The following SLC38A3 variants were observed in gnomAD, a reference collection of about 807,000 sequenced individuals.
SLC38A3 encodes the protein solute carrier family 38 member 3, also known as sodium-coupled neutral amino acid transporter 3.
In SLC38A3, 17 loss-of-function variants were observed where a neutral mutation model predicts 59.5. That is an observed-to-expected ratio of 0.29 (90% CI 0.20 to 0.43). SLC38A3 has a LOEUF of 0.43. Ranked by LOEUF, SLC38A3 falls within the 20% of genes least tolerant of loss-of-function variation. SLC38A3 has a pLI of 1.00. For synonymous variants in SLC38A3, 238 were observed against 260.3 expected, an observed-to-expected ratio of 0.91 and a Z score of 0.82; for missense variants, 454 against 653.9, an observed-to-expected ratio of 0.69 and a Z score of 3.33.
At position 50,217,061 on chromosome 3, in the gene SLC38A3, C is replaced by T. The variant is rs927547081; in HGVS notation, c.549-177C>T. ...GTGCTGGGATTACAGGCGTGAACCA[C>T]CGCGCCCAGCTGGGCATGCCCATTT... On this transcript the variant is annotated intron_variant, in intron 7 of 15. Transcript: ENST00000614032. This position sits in a 1 kb window ranked among gnomAD's most constrained non-coding sequence, Gnocchi z 4.9. 5.9e-5 allele frequency among the ~76,000 whole-genome samples: 9 copies of T among 152,230 alleles called. No individual in the cohort carries two copies. Among genetic ancestry groups the T allele is most frequent in the Non-Finnish European group, 1.0e-4 (7 of 68,050 alleles).
In SLC38A3 at chr3:50,215,835, T is replaced by TGGGGA. The variant is rs750385616; in HGVS notation, c.548+29_548+33dup. ...GGAGAAAACCTCGTGAGCCCTGGCG[T>TGGGGA]GGGGAGGGGAGGGGAGGGGTGCGGT... On this transcript the variant is annotated intron_variant, in intron 7 of 15. Transcript: ENST00000614032. The surrounding 1 kb of genome is among the most constrained non-coding windows in gnomAD (Gnocchi z 7.1). 54 of 1,122,928 alleles carry TGGGGA rather than the reference T, an allele frequency of 4.8e-5. No homozygotes were observed. The highest frequency in any genetic ancestry group is 2.4e-4 in the Middle Eastern group (1 of 4,106). The allele number at this position is 1,122,928 out of a possible 1,614,324, so 69.6% of individuals were successfully genotyped here. A position where few individuals can be genotyped will look rare whatever the true frequency, so the allele number is the denominator to read the frequency against.
At position 50,217,484 on chromosome 3, in the gene SLC38A3, C is replaced by T. The variant is rs376350148; in HGVS notation, c.690+11C>T. 3.4e-5 allele frequency: 55 copies of T among 1,612,326 alleles called. No homozygotes were observed. In the African/African-American group the frequency reaches 6.3e-4, roughly 18 times the overall value. On this transcript the variant is annotated intron_variant, in intron 9 of 15. Coordinates refer to ENST00000614032, the MANE Select transcript of SLC38A3 (RefSeq NM_006841.6). This position sits in a 1 kb window ranked among gnomAD's most constrained non-coding sequence, Gnocchi z 4.9. Reference sequence around the variant, plus strand: ...TTCTTCCTAATTGCAGTGAGTCACCCTCCATGTTGGCTGAGAAAGCGGGCA... The same window carrying T: ...TTCTTCCTAATTGCAGTGAGTCACCTTCCATGTTGGCTGAGAAAGCGGGCA...
At chr3:50,216,140 G>A (rs1421532034) in intron 7 of SLC38A3, among the ~76,000 whole-genome samples, 4 of 152,196 alleles carry the variant, frequency 2.6e-5, no homozygotes, top group Admixed American at 2.0e-4. Context: ...AGCTCTAAGC[G>A]CCTGCTATTC....
chr3:50,217,449 C>T lies in SLC38A3; in HGVS notation c.666C>T (p.Ser222=), dbSNP rs756205501. The T allele has an allele frequency of 1.7e-5, 28 of 1,613,378 alleles. No individual in the cohort carries two copies. Among genetic ancestry groups the T allele is most frequent in the Non-Finnish European group, 2.3e-5 (27 of 1,179,692 alleles). The change falls in exon 9 of 16, where the codon AGC becomes AGT. Residue 222 remains serine (S), a synonymous_variant. Transcript: ENST00000614032. This position sits in a 1 kb window ranked among gnomAD's most constrained non-coding sequence, Gnocchi z 4.9. ...GCTACTCCAGCGGCTTCTCTCTTAG[C>T]TGCATGGTGTTCTTCCTAATTGCAG... ...YLGYSSGFSL[S]CMVFFLIAVI...
Position 50,218,750 on chromosome 3 carries a change from C to G in SLC38A3, c.1161+33C>G. The G allele has an allele frequency of 6.3e-7, 1 of 1,598,450 alleles. No homozygotes were observed. The highest frequency in any genetic ancestry group is 8.6e-7 in the Non-Finnish European group (1 of 1,167,298). On this transcript the variant is annotated intron_variant, in intron 13 of 15. Transcript: ENST00000614032. The surrounding 1 kb of genome is among the most constrained non-coding windows in gnomAD (Gnocchi z 5.8). ...GGTGGGCAGGTGGCTAGACTAGTGG[C>G]GGGAGGGGCTGATGGGGCCAACAGG... is the stretch of plus-strand genomic sequence containing the variant.
At chr3:50,212,347 C>A (rs996642237) in intron 1 of SLC38A3, among the ~76,000 whole-genome samples, 1 of 152,184 alleles carries the variant, frequency 6.6e-6, no homozygotes, top group Non-Finnish European at 1.5e-5. Flanking sequence ...GCAGGGGGGA[C>A]TCTGGAGTAG....
chr3:50,212,367 C>T (rs1409467362), intron 1 of SLC38A3, among the ~76,000 whole-genome samples: 1 of 152,176 alleles, frequency 6.6e-6, no homozygotes, highest in East Asian at 1.9e-4. Flanking sequence ...GCTCTGGACG[C>T]CAGCACTGGC....
chr3:50,208,245 T>C (rs1699671523), intron 1 of SLC38A3, among the ~76,000 whole-genome samples: 1 of 151,316 alleles, frequency 6.6e-6, no homozygotes, highest in South Asian at 2.1e-4. Flanking sequence ...GGCTCTCTTT[T>C]TCTTCAGCTT....
intron 1 of SLC38A3, among the ~76,000 whole-genome samples, chr3:50,211,534 C>T (rs377215626): frequency 6.8e-6 from 1 of 146,222 alleles, no homozygotes; most frequent in Non-Finnish European, 1.5e-5. Context: ...TGGCTTCGCA[C>T]CTCCTCCAGG....
rs1478919801 is a variant in SLC38A3 at position 50,218,107 on chromosome 3, C to G, written c.935+111C>G. 4.3e-6 allele frequency: 5 copies of G among 1,167,346 alleles called. No homozygotes were observed. In the East Asian group the frequency reaches 9.9e-5, roughly 23 times the overall value. The allele number at this position is 1,167,346 out of a possible 1,614,324, so 72.3% of individuals were successfully genotyped here. A position where few individuals can be genotyped will look rare whatever the true frequency, so the allele number is the denominator to read the frequency against. On this transcript the variant is annotated intron_variant, in intron 11 of 15. Transcript: ENST00000614032. The surrounding 1 kb of genome is among the most constrained non-coding windows in gnomAD (Gnocchi z 5.8). Reference sequence around the variant, plus strand: ...AGTGACAGGAGCCAAGTCACTTTATCTGAGATGTCCTTGGCAGCCATGAGA... The same window carrying G: ...AGTGACAGGAGCCAAGTCACTTTATGTGAGATGTCCTTGGCAGCCATGAGA...
At position 50,215,741 on chromosome 3, in the gene SLC38A3, C is replaced by A; in HGVS notation, c.468C>A (p.Ala156=). ...GCCTGCCCGCCCCTCTCCCCACAGC[C>A]ATGTCCAGCTACCTGTACATCATCA... ...ALAITLQNIG[A]MSSYLYIIKS... The change falls in exon 7 of 16, where the codon GCC becomes GCA. Residue 156 remains alanine, a splice_region_variant and synonymous_variant. Coordinates refer to ENST00000614032, the MANE Select transcript of SLC38A3 (RefSeq NM_006841.6). This position sits in a 1 kb window ranked among gnomAD's most constrained non-coding sequence, Gnocchi z 7.1. 1.2e-6 allele frequency: 2 copies of A among 1,604,000 alleles called. No individual in the cohort carries two copies. Among genetic ancestry groups the A allele is most frequent in the Non-Finnish European group, 1.7e-6 (2 of 1,175,648 alleles).
chr3:50,219,058 G>A, intron 14 of SLC38A3, 110 bp downstream of exon 14: 1 of 1,377,514 alleles, frequency 7.3e-7, no homozygotes. Context: ...CAGTGGCCAT[G>A]TGCACAGTTT....
intron 1 of SLC38A3, among the ~76,000 whole-genome samples, chr3:50,210,663 C>G (rs892011739): frequency 7.2e-5 from 11 of 152,244 alleles, no homozygotes; most frequent in Non-Finnish European, 1.6e-4. Context: ...TAGCCAAACT[C>G]AACACCTGCC....
chr3:50,209,228 G>C (rs1699689507), intron 1 of SLC38A3, among the ~76,000 whole-genome samples: 1 of 152,144 alleles, frequency 6.6e-6, no homozygotes. Context: ...TAGCCCACTC[G>C]TGAACCAAGA....
rs1040437893 is a variant in SLC38A3, at chr3:50,217,512, G to C, written c.690+39G>C. On this transcript the variant is annotated intron_variant, in intron 9 of 15. Transcript: ENST00000614032. This position sits in a 1 kb window ranked among gnomAD's most constrained non-coding sequence, Gnocchi z 4.9. Reference sequence around the variant, plus strand: ...CATGTTGGCTGAGAAAGCGGGCAGCGGGTCTCCTGGGGGAGTTCCCTGTCA... The same window carrying C: ...CATGTTGGCTGAGAAAGCGGGCAGCCGGTCTCCTGGGGGAGTTCCCTGTCA... 1.2e-6 allele frequency: 2 copies of C among 1,602,618 alleles called. No homozygotes were observed. The highest frequency in any genetic ancestry group is 1.1e-5 in the South Asian group (1 of 89,822).
At position 50,215,530 on chromosome 3, in the gene SLC38A3, C is replaced by T; in HGVS notation, c.374-14C>T. 6.2e-7 allele frequency: 1 copy of T among 1,613,802 alleles called. No individual in the cohort carries two copies. The highest frequency in any genetic ancestry group is 8.5e-7 in the Non-Finnish European group (1 of 1,179,762). The stretch of plus-strand genomic sequence containing the variant: ...CTGGGACAAGCTCCTGACTTCTTGA[C>T]CCTGCTCCTGCAGGCATCCGTGCCT... On this transcript the variant is annotated splice_polypyrimidine_tract_variant and intron_variant, in intron 5 of 15. Transcript: ENST00000614032. This position sits in a 1 kb window ranked among gnomAD's most constrained non-coding sequence, Gnocchi z 7.1.
In SLC38A3 at chr3:50,217,711, GCCC is replaced by G; in HGVS notation, c.730_732del (p.Pro244del). 1 of 1,613,882 alleles carries G rather than the reference GCCC, an allele frequency of 6.2e-7. No individual in the cohort carries two copies. The highest frequency in any genetic ancestry group is 8.5e-7 in the Non-Finnish European group (1 of 1,179,866). ...AAAAGTTCCACGTGCCCTGCCCACT[GCCC>G]CCCAACTTCAACAACACCACAGGCA... On this transcript the variant is annotated inframe_deletion, in exon 10 of 16. Coordinates refer to ENST00000614032, the MANE Select transcript of SLC38A3 (RefSeq NM_006841.6). This position sits in a 1 kb window ranked among gnomAD's most constrained non-coding sequence, Gnocchi z 4.9.
chr3:50,205,901 A>G (rs1699640057), intron 1 of SLC38A3, among the ~76,000 whole-genome samples: 1 of 152,182 alleles, frequency 6.6e-6, no homozygotes, highest in African/African-American at 2.4e-5. Context: ...GGGCCGCCTG[A>G]GGGGCCGCGG....
Position 50,217,010 on chromosome 3 carries a change from T to A in SLC38A3, c.549-228T>A, listed in dbSNP as rs1699828504. Among the ~76,000 whole-genome samples the A allele has an allele frequency of 6.6e-6, 1 of 152,196 alleles. No homozygotes were observed. The highest frequency in any genetic ancestry group is 1.5e-5 in the Non-Finnish European group (1 of 68,038). Reference sequence around the variant, plus strand: ...GGCTGGTCTCGAACTCCTGACCTGATGATCCACCCACCTCAGCCTCCCAAA... The same window carrying A: ...GGCTGGTCTCGAACTCCTGACCTGAAGATCCACCCACCTCAGCCTCCCAAA... On this transcript the variant is annotated intron_variant, in intron 7 of 15. Coordinates refer to ENST00000614032, the MANE Select transcript of SLC38A3 (RefSeq NM_006841.6). The surrounding 1 kb of genome is among the most constrained non-coding windows in gnomAD (Gnocchi z 4.9).
Sources: allele counts gnomAD v4.1 joint callset (sites outside exome capture counted in the v4.1 genomes callset), GRCh38; gene constraint gnomAD v4.1.1; non-coding constraint Gnocchi (gnomAD v3.1); transcripts MANE v1.5; gene names NCBI Gene and HGNC (gene_info 2026-07-23, HGNC 2026-07-21).